The following LRP2 variants were observed in gnomAD, a reference collection of about 807,000 sequenced individuals.
LRP2 encodes LDL receptor related protein 2.
Under a neutral mutation model 531.0 loss-of-function variants are expected in LRP2, and 172 were observed. That is an observed-to-expected ratio of 0.32 (90% confidence interval 0.29 to 0.37). LRP2 has a LOEUF of 0.37. LRP2 is among the 10% of genes least tolerant of loss of function. LRP2 has a pLI of 1.00. For missense variants in LRP2, 5,167 were observed against 5,868.3 expected (o/e 0.88, Z 3.90); for synonymous variants, 1,992 against 2,027.6 (o/e 0.98, Z 0.47).
intron 63 of LRP2, among the ~76,000 whole-genome samples, chr2:169,157,944 A>AT (rs1686397492): frequency 6.7e-6 from 1 of 148,894 alleles, no homozygotes; most frequent in East Asian, 2.0e-4. Context: ...AAATAAATAA[A>AT]TAAATAAATA....
intron 1 of LRP2, among the ~76,000 whole-genome samples, chr2:169,355,579 C>A (rs1685966696): frequency 6.6e-6 from 1 of 152,176 alleles, no homozygotes; most frequent in Admixed American, 6.5e-5. Context: ...TAAGTAGAGA[C>A]CCTGAGATGC....
At chr2:169,348,840 A>G (rs6730118) in intron 1 of LRP2, among the ~76,000 whole-genome samples, 33,648 of 152,034 alleles carry the variant, frequency 0.22, 3,946 homozygotes, top group African/African-American at 0.29. Context: ...GGGGGGAGTC[A>G]GATCGAGAGA....
rs763316832 is a variant in LRP2, at chr2:169,243,542, A to C, written c.3431-20T>G. ...TCGAATCTAATGTCATCCGAAAACA[A>C]AACCAACAAGTTTATTTCCTGTGCA... On this transcript the variant is annotated intron_variant, in intron 22 of 78. Transcript: ENST00000649046. 1.9e-6 allele frequency: 3 copies of C among 1,613,824 alleles called. No homozygotes were observed. The highest frequency in any genetic ancestry group is 2.5e-6 in the Non-Finnish European group (3 of 1,179,784).
At position 169,338,373 on chromosome 2, in the gene LRP2, A is replaced by AAAGAAAGAAAGG. The variant is rs1403977104; in HGVS notation, c.80-17490_80-17489insCCTTTCTTTCTT. Among the ~76,000 whole-genome samples the AAAGAAAGAAAGG allele has an allele frequency of 1.3e-4, 16 of 121,478 alleles. No individual in the cohort carries two copies. In the East Asian group the frequency reaches 5.1e-3, roughly 39 times the overall value. The allele number at this position is 121,478 out of a possible 152,430, so 79.7% of individuals were successfully genotyped here. A position where few individuals can be genotyped will look rare whatever the true frequency, so the allele number is the denominator to read the frequency against. Reference sequence around the variant, plus strand: ...GAAAGAAAGAAGGAAAGAAAGAAAGAAAGAAAGAAAGAAAGAAAGAAAGAA... The same window carrying AAAGAAAGAAAGG: ...GAAAGAAAGAAGGAAAGAAAGAAAGAAAGAAAGAAAGGAAGAAAGAAAGAAAGAAAGAAAGAA... On this transcript the variant is annotated intron_variant, in intron 1 of 78. Coordinates refer to ENST00000649046, the MANE Select transcript of LRP2 (RefSeq NM_004525.3).
At position 169,246,909 on chromosome 2, in the gene LRP2, G is replaced by A; in HGVS notation, c.2986C>T (p.Arg996Ter). The change falls in exon 21 of 79, where the codon CGA becomes TGA. Residue 996 changes from arginine to a stop codon, truncating the protein, a stop_gained. Transcript: ENST00000649046. LOFTEE classifies it high-confidence loss of function. ...ATTCCATAAGGGCACCCACACACTC[G>A]CTGGAAATTTGGCACCGGGAAGCAG... ...HFCFPVPNFQRVCGCPYGMRL... is the reference protein window; with the variant it reads ...HFCFPVPNFQ The A allele has an allele frequency of 1.2e-6, 2 of 1,614,170 alleles. No individual in the cohort carries two copies. The highest frequency in any genetic ancestry group is 1.7e-6 in the Non-Finnish European group (2 of 1,180,026).
intron 35 of LRP2, among the ~76,000 whole-genome samples, chr2:169,215,292 A>G (rs1292702232): frequency 6.6e-6 from 1 of 152,228 alleles, no homozygotes; most frequent in Non-Finnish European, 1.5e-5. Flanking sequence ...ACTGTTAAAT[A>G]GCAAGGAAGG....
At position 169,128,527 on chromosome 2, in the gene LRP2, G is replaced by T. The variant is rs1685172233; in HGVS notation, c.*136C>A. The T allele has an allele frequency of 3.8e-6, 3 of 793,512 alleles. No homozygotes were observed. Among genetic ancestry groups the T allele is most frequent in the Non-Finnish European group, 6.3e-6 (3 of 479,388 alleles). 49.2% of individuals were successfully genotyped at this position (793,512 alleles called of 1,614,324 possible). ...GGCATAAGTAAAAAAAGACACACAG[G>T]ATACCTCCAACTATAGGCAAACAGG... On this transcript the variant is annotated 3_prime_UTR_variant, in exon 79 of 79. Transcript: ENST00000649046.
chr2:169,294,300 G>A, intron 5 of LRP2, 39 bp from the exon 6 acceptor site: 5 of 1,198,240 alleles, frequency 4.2e-6, no homozygotes, highest in Non-Finnish European at 6.3e-6. Flanking sequence ...AAAGAGAGAA[G>A]TTAACTCCAT....
At chr2:169,152,276 AG>A (rs1686171436) in intron 67 of LRP2, among the ~76,000 whole-genome samples, 1 of 152,228 alleles carries the variant, frequency 6.6e-6, no homozygotes, top group Middle Eastern at 3.2e-3. Context: ...AGACTTCTTT[AG>A]TCAAATTTCC....
chr2:169,137,784 A>T (rs977118461), intron 75 of LRP2, among the ~76,000 whole-genome samples: 3 of 152,218 alleles, frequency 2.0e-5, no homozygotes, highest in African/African-American at 7.2e-5. Flanking sequence ...AATTCTCTTA[A>T]ATAACTCACT....
intron 21 of LRP2, among the ~76,000 whole-genome samples, chr2:169,246,488 G>T (rs180832775): frequency 1.0e-3 from 153 of 152,276 alleles, no homozygotes; most frequent in African/African-American, 3.6e-3. Context: ...GAAAAAAATT[G>T]TTGAAGATAG....
chr2:169,338,380 G>GA (rs1230798613), intron 1 of LRP2, among the ~76,000 whole-genome samples: 1 of 114,924 alleles, frequency 8.7e-6, no homozygotes, highest in African/African-American at 3.5e-5. Flanking sequence ...AAGAAAGAAA[G>GA]AAAGAAAGAA....
At chr2:169,183,817 A>G (rs2024480) in intron 50 of LRP2, among the ~76,000 whole-genome samples, 113,961 of 152,196 alleles carry the variant, frequency 0.75, 43,058 homozygotes, top group South Asian at 0.83. Flanking sequence ...AAACACCCTA[A>G]TGCTGACAGC....
Position 169,204,061 on chromosome 2 carries a change from A to C in LRP2, c.7926T>G (p.Thr2642=), listed in dbSNP as rs138903794. The C allele has an allele frequency of 1.0e-4, 163 of 1,614,208 alleles. No homozygotes were observed. The African/African-American group carries it at 2.0e-3, about 20-fold the overall frequency. ...ACTGTTGTTTCTGGTTCTTCACAAC[A>C]GTGTTGATTCCCCTGGGCTGGGAGA... is the stretch of plus-strand genomic sequence containing the variant. ...NLLSQPRGIN[T]VVKNQKQQCN... The change falls in exon 42 of 79, where the codon ACT becomes ACG. Residue 2642 remains threonine (T), a synonymous_variant. Coordinates refer to ENST00000649046, the MANE Select transcript of LRP2 (RefSeq NM_004525.3).
At position 169,280,526 on chromosome 2, in the gene LRP2, G is replaced by C. The variant is rs1265430994; in HGVS notation, c.1172-7C>G. On this transcript the variant is annotated splice_polypyrimidine_tract_variant and splice_region_variant and intron_variant, in intron 10 of 78. Coordinates refer to ENST00000649046, the MANE Select transcript of LRP2 (RefSeq NM_004525.3). ...ATAATGGAGGCCTCGCCAACTAAATGCGAAGAAGGAAGGCATCACCACTCC... is the reference window on the plus strand; with the variant it reads ...ATAATGGAGGCCTCGCCAACTAAATCCGAAGAAGGAAGGCATCACCACTCC... 2 of 1,613,908 alleles carry C rather than the reference G, an allele frequency of 1.2e-6. No homozygotes were observed. Among genetic ancestry groups the C allele is most frequent in the Admixed American group, 3.3e-5 (2 of 60,004 alleles).
At chr2:169,318,907 T>C (rs754936273) in intron 2 of LRP2, 23 bp from the exon 3 acceptor site, 4 of 1,613,884 alleles carry the variant, frequency 2.5e-6, no homozygotes, top group Admixed American at 1.7e-5. Flanking sequence ...AAAAGAGGAC[T>C]CATTATGGCA....
chr2:169,314,577 TCC>T (rs1684709296), intron 3 of LRP2, among the ~76,000 whole-genome samples: 1 of 152,254 alleles, frequency 6.6e-6, no homozygotes, highest in Non-Finnish European at 1.5e-5. Flanking sequence ...GATTATATCT[TCC>T]TTGTCATTTT....
rs781149561 is a variant in LRP2 at position 169,292,362 on chromosome 2, C to T, written c.660G>A (p.Pro220=). ...AAGTGAACTGGTAACCACCGCAGGT[C>T]GGATAGTCTGGAATAAAGCAACAGC... The part of the protein sequence containing the change: ...DGSDEHACNY[P]TCGGYQFTCP... The change falls in exon 7 of 79, where the codon CCG becomes CCA. Residue 220 remains proline (P), a synonymous_variant. Transcript: ENST00000649046. 3.1e-5 allele frequency: 50 copies of T among 1,610,690 alleles called. No homozygotes were observed. The highest frequency in any genetic ancestry group is 1.7e-5 in the Admixed American group (1 of 59,988).
At position 169,162,587 on chromosome 2, in the gene LRP2, G is replaced by T. The variant is rs148777881; in HGVS notation, c.11772C>A (p.Thr3924=). The T allele has an allele frequency of 6.2e-7, 1 of 1,614,034 alleles. No individual in the cohort carries two copies. Among genetic ancestry groups the T allele is most frequent in the Non-Finnish European group, 8.5e-7 (1 of 1,179,974 alleles). Residue 3924 remains threonine, a synonymous_variant, in exon 63 of 79, where the codon ACC becomes ACA. Coordinates refer to ENST00000649046, the MANE Select transcript of LRP2 (RefSeq NM_004525.3). ...DETEEHCRKP[T]PKPCTEYEYK... is the part of the protein sequence containing the mutation. ...ATTCATATTCTGTACAAGGTTTAGG[G>T]GTCGGTTTTCTACCTGCAATGTAAA...
Sources: allele counts gnomAD v4.1 joint callset (sites outside exome capture counted in the v4.1 genomes callset), GRCh38; gene constraint gnomAD v4.1.1; transcripts MANE v1.5; gene names NCBI Gene and HGNC (gene_info 2026-07-23, HGNC 2026-07-21).